The following MAP4K1 variants were observed in gnomAD, a reference collection of about 807,000 sequenced individuals.
MAP4K1 encodes the protein mitogen-activated protein kinase kinase kinase kinase 1.
In MAP4K1, 35 loss-of-function variants were observed where a neutral mutation model predicts 122.8. That is an observed-to-expected ratio of 0.29 (90% CI 0.22 to 0.38). The LOEUF (loss-of-function observed/expected upper bound fraction) is 0.38, where lower values mean the gene tolerates loss of function less well. Ranked by LOEUF, MAP4K1 falls within the 10% of genes least tolerant of loss-of-function variation. The pLI, the probability that MAP4K1 is intolerant of heterozygous loss-of-function variation, is 1.00. For missense variants in MAP4K1, 791 were observed against 1,072.6 expected, an observed-to-expected ratio of 0.74 and a Z score of 3.67; for synonymous variants, 412 against 421.3, an observed-to-expected ratio of 0.98 and a Z score of 0.27.
chr19:38,612,628 A>C lies in MAP4K1; in HGVS notation c.648T>G (p.Phe216Leu). The change falls in exon 9 of 31, where the codon TTT becomes TTG. Residue 216 changes from phenylalanine (F) to leucine (L), a missense_variant. Coordinates refer to ENST00000396857, the MANE Select transcript of MAP4K1 (RefSeq NM_001042600.3). ...IELAELQPPL[F>L]DVHPLRVLFL... is the part of the protein sequence containing the mutation. ...CTGCCTACCTGAGAGGGTGCACATCAAAGAGCGGTGGCTGTAGCTCGGCCA... is the reference window on the plus strand; with the variant it reads ...CTGCCTACCTGAGAGGGTGCACATCCAAGAGCGGTGGCTGTAGCTCGGCCA... The C allele has an allele frequency of 6.2e-7, 1 of 1,613,304 alleles. No individual in the cohort carries two copies. Among genetic ancestry groups the C allele is most frequent in the Non-Finnish European group, 8.5e-7 (1 of 1,179,854 alleles).
intron 27 of MAP4K1, 90 bp downstream of exon 27, chr19:38,595,847 CAG>C (rs1974858249): frequency 6.5e-7 from 1 of 1,526,816 alleles, no homozygotes; most frequent in South Asian, 1.1e-5. Context: ...CAGAGGGGCT[CAG>C]GGGGTTCTGA....
intron 29 of MAP4K1, 24 bp downstream of exon 29, chr19:38,595,461 T>C (rs1974845075): frequency 6.2e-7 from 1 of 1,613,294 alleles, no homozygotes; most frequent in Non-Finnish European, 8.5e-7. Context: ...GGCAGTGATG[T>C]GGAGTTTGGA....
intron 9 of MAP4K1, among the ~76,000 whole-genome samples, chr19:38,611,735 G>A (rs564538114): frequency 1.2e-4 from 18 of 152,234 alleles, no homozygotes; most frequent in African/African-American, 1.7e-4. Context: ...AACTACGATC[G>A]TGCCGCTGCA....
chr19:38,616,371 C>T (rs1318394847), intron 3 of MAP4K1, 112 bp from the exon 4 acceptor site: 4 of 681,786 alleles, frequency 5.9e-6, no homozygotes, highest in Non-Finnish European at 7.3e-6. Flanking sequence ...TTTAACGTAA[C>T]AGCTCTCATC....
chr19:38,593,332 T>C lies in MAP4K1; in HGVS notation c.2346A>G (p.Leu782=), dbSNP rs370720844. 87 of 1,609,672 alleles carry C rather than the reference T, an allele frequency of 5.4e-5. No homozygotes were observed. The highest frequency in any genetic ancestry group is 7.0e-5 in the Non-Finnish European group (82 of 1,177,960). The stretch of plus-strand genomic sequence containing the variant: ...TGAGGGTAGGGTCTCTCAGCTCCTG[T>C]AGCAGCTAGGGAAAAAAAGTGTGTG... ...QVWALGSDQL[L]QELRDPTLTF... is the part of the protein sequence containing the mutation. The change falls in exon 30 of 31, where the codon CTA becomes CTG. Residue 782 remains leucine (L), a synonymous_variant. Transcript: ENST00000396857.
In MAP4K1 at chr19:38,617,712, C is replaced by T; in HGVS notation, c.99+85G>A. ...CCTGAGTCAAGGTCAAGAACTGGGACCCCCTCTTGCAGCCTCCTCCCTGCC... is the reference window on the plus strand; with the variant it reads ...CCTGAGTCAAGGTCAAGAACTGGGATCCCCTCTTGCAGCCTCCTCCCTGCC... On this transcript the variant is annotated intron_variant, in intron 1 of 30. Coordinates refer to ENST00000396857, the MANE Select transcript of MAP4K1 (RefSeq NM_001042600.3). This position sits in a 1 kb window ranked among gnomAD's most constrained non-coding sequence, Gnocchi z 4.1. The T allele has an allele frequency of 1.9e-6, 3 of 1,600,600 alleles. No homozygotes were observed. Among genetic ancestry groups the T allele is most frequent in the Non-Finnish European group, 2.6e-6 (3 of 1,167,724 alleles).
intron 8 of MAP4K1, 86 bp downstream of exon 8, chr19:38,613,794 G>T: frequency 9.6e-7 from 1 of 1,045,656 alleles, no homozygotes; most frequent in Non-Finnish European, 1.4e-6. Context: ...GGGGAACGGA[G>T]CCAGGAAAGA....
chr19:38,587,738 C>G lies in MAP4K1; in HGVS notation c.*10G>C, dbSNP rs201154164. On this transcript the variant is annotated 3_prime_UTR_variant, in exon 31 of 31. Transcript: ENST00000396857. ...GTGCAAGGACTAGTTCCTGACACCC[C>G]CCTAGGGACTCATTCCTGGATGTAG... The G allele has an allele frequency of 6.2e-7, 1 of 1,611,890 alleles. No individual in the cohort carries two copies. The highest frequency in any genetic ancestry group is 8.5e-7 in the Non-Finnish European group (1 of 1,178,146).
At chr19:38,616,601 G>C (rs59727665) in intron 3 of MAP4K1, among the ~76,000 whole-genome samples, 12,510 of 152,144 alleles carry the variant, frequency 0.082, 1,251 homozygotes, top group East Asian at 0.49. Context: ...CAGGGCACCT[G>C]TTCTGGGGAG....
chr19:38,609,648 G>A lies in MAP4K1; in HGVS notation c.954C>T (p.Ile318=), dbSNP rs757660172. Residue 318 remains isoleucine, a synonymous_variant, in exon 13 of 31, where the codon ATC becomes ATT. Transcript: ENST00000396857. Reference sequence around the variant, plus strand: ...GAGAGCTGGAGCGGTGGGTGGATCTGATCCGCCGAGGGATAGCAGGGGGTA... The same window carrying A: ...GAGAGCTGGAGCGGTGGGTGGATCTAATCCGCCGAGGGATAGCAGGGGGTA... The part of the protein sequence containing the change: ...PELPPAIPRR[I]RSTHRSSSLG... 3.7e-6 allele frequency: 6 copies of A among 1,613,564 alleles called. No homozygotes were observed. The South Asian group carries it at 6.6e-5, about 18-fold the overall frequency.
chr19:38,614,137 G>GCTAGCCCACTC (rs1020836489), intron 6 of MAP4K1, 52 bp from the exon 7 acceptor site: 3 of 1,611,426 alleles, frequency 1.9e-6, no homozygotes, highest in Admixed American at 1.7e-5. Flanking sequence ...CCAGCCCAGT[G>GCTAGCCCACTC]CTAGCCCACT....
In MAP4K1 at chr19:38,608,118, G is replaced by A; in HGVS notation, c.1059C>T (p.Ala353=). 3.2e-6 allele frequency: 5 copies of A among 1,539,062 alleles called. No homozygotes were observed. In the South Asian group the frequency reaches 5.1e-5, roughly 16 times the overall value. Residue 353 remains alanine (A), a synonymous_variant, in exon 14 of 31, where the codon GCC becomes GCT. Coordinates refer to ENST00000396857, the MANE Select transcript of MAP4K1 (RefSeq NM_001042600.3). ...KLRGMETRPP[A]NTARLQPPRD... ...TGGGGGGACAGCATCTCACGGTGTT[G>A]GCTGGGGGTCTGGTCTCCATTCCTC...
rs1336604591 is a variant in MAP4K1, at chr19:38,614,261, A to G, written c.401T>C (p.Ile134Thr). ...CCAGACCACCTTGATGTCCCTGTGT[A>G]TCTTCTTCTGTGAGTGCAAATAGGC... ...GLAYLHSQKK[I>T]HRDIKGANIL... is the part of the protein sequence containing the mutation. The change falls in exon 6 of 31, where the codon ATA (isoleucine) becomes ACA (threonine). Residue 134 changes from isoleucine to threonine, a missense_variant. Transcript: ENST00000396857. 6.2e-7 allele frequency: 1 copy of G among 1,613,964 alleles called. No homozygotes were observed.
chr19:38,595,494 G>A lies in MAP4K1; in HGVS notation c.2331C>T (p.Gly777=). 1 of 1,614,032 alleles carries A rather than the reference G, an allele frequency of 6.2e-7. No homozygotes were observed. Among genetic ancestry groups the A allele is most frequent in the Non-Finnish European group, 8.5e-7 (1 of 1,180,002 alleles). Residue 777 remains glycine, a synonymous_variant, in exon 29 of 31, where the codon GGC becomes GGT. Coordinates refer to ENST00000396857, the MANE Select transcript of MAP4K1 (RefSeq NM_001042600.3). The part of the protein sequence containing the change: ...WKHGVQVWAL[G]SDQLLQELRD... ...GGATGGAGGGGCTTACCTGATCCGA[G>A]CCTAGAGCCCACACCTGCACTCCAT...
intron 19 of MAP4K1, among the ~76,000 whole-genome samples, chr19:38,602,882 TTA>T (rs1482911693): frequency 8.1e-6 from 1 of 122,702 alleles, no homozygotes; most frequent in Non-Finnish European, 1.8e-5. Context: ...ACATATATAC[TTA>T]TATACACATG....
At chr19:38,589,330 A>G in intron 30 of MAP4K1, 1 of 257,038 alleles carries the variant, frequency 3.9e-6, no homozygotes, top group Non-Finnish European at 7.9e-6. Context: ...CAAACAAAAA[A>G]CAATAAAACT....
At chr19:38,595,774 A>T in intron 27 of MAP4K1, 45 bp from the exon 28 acceptor site, 1 of 1,515,564 alleles carries the variant, frequency 6.6e-7, no homozygotes, top group East Asian at 2.3e-5. Context: ...CAAGGCTTAG[A>T]GGGTTACTAA....
At chr19:38,590,965 T>G (rs80091989) in intron 30 of MAP4K1, among the ~76,000 whole-genome samples, 3 of 137,290 alleles carry the variant, frequency 2.2e-5, no homozygotes, top group Non-Finnish European at 4.9e-5. Context: ...CATTAAAAAA[T>G]CACACACACA....
At chr19:38,608,799 CAAAA>C (rs1031744033) in intron 13 of MAP4K1, among the ~76,000 whole-genome samples, 72 of 9,540 alleles carry the variant, frequency 7.5e-3, no homozygotes, top group Non-Finnish European at 0.015. Flanking sequence ...AACTCCGTCT[CAAAA>C]AAAAAAAAAA....
Sources: gnomAD v4.1 joint callset for allele counts (sites outside exome capture counted in the v4.1 genomes callset) on GRCh38, gnomAD v4.1.1 for gene constraint, Gnocchi (gnomAD v3.1) non-coding constraint, MANE v1.5 for transcripts, NCBI Gene and HGNC (gene_info 2026-07-23, HGNC 2026-07-21) for gene names.